The following PABIR3 variants were observed in gnomAD, a reference collection of about 807,000 sequenced individuals.
The protein encoded by PABIR3 is PABIR family member 3.
PABIR3 carries 20 observed loss-of-function variants against 23.1 expected under a neutral mutation model. The ratio of observed to expected loss-of-function variants is 0.86; its 90% CI spans 0.61 to 1.26. The LOEUF is 1.26. Ranked by LOEUF, PABIR3 falls within the 50% of genes most tolerant of loss-of-function variation. PABIR3 has a pLI of 0.00. For missense variants in PABIR3, 189 were observed against 195.4 expected (o/e 0.97, Z 0.20); for synonymous variants, 69 against 68.5 (o/e 1.01, Z -0.04).
upstream of PABIR3, among the ~76,000 whole-genome samples, chrX:134,803,435 G>A (rs773003234): frequency 2.7e-5 from 3 of 112,623 alleles, no homozygotes; most frequent in Non-Finnish European, 5.6e-5. Flanking sequence ...GCATTGAAAT[G>A]TAATAGTTCT....
At chrX:134,851,595 G>A (rs1024174058) in intron 9 of PABIR3, among the ~76,000 whole-genome samples, 1 of 110,999 alleles carries the variant, frequency 9.0e-6, no homozygotes, top group Non-Finnish European at 1.9e-5. Flanking sequence ...GAATACTGCA[G>A]AAATTGGGCA....
chrX:134,838,445 C>G (rs1473110385), intron 4 of PABIR3, among the ~76,000 whole-genome samples: 1 of 107,923 alleles, frequency 9.3e-6, no homozygotes, highest in Non-Finnish European at 1.9e-5. Context: ...TCCCGTGTAG[C>G]TGGGACTACA....
chrX:134,804,404 C>T (rs769400887), upstream of PABIR3, among the ~76,000 whole-genome samples: 5 of 111,914 alleles, frequency 4.5e-5, no homozygotes, highest in East Asian at 1.4e-3. Flanking sequence ...CTATTTATAT[C>T]TTTACAGGTT....
At chrX:134,858,819 TG>T (rs1481788311), downstream of PABIR3, among the ~76,000 whole-genome samples, 4 of 111,600 alleles carry the variant, frequency 3.6e-5, no homozygotes, top group Non-Finnish European at 7.5e-5. Context: ...AACGTATAGG[TG>T]GAGAGAATCA....
chrX:134,799,202 G>C (rs1191264424), intron 1 of PABIR3, among the ~76,000 whole-genome samples: 1 of 111,316 alleles, frequency 9.0e-6, no homozygotes, highest in Non-Finnish European at 1.9e-5. Context: ...TAATTTTTTT[G>C]ATTTTCAAGA....
chrX:134,800,236 G>GGTTGCA (rs1160707544), intron 1 of PABIR3, among the ~76,000 whole-genome samples: 2 of 108,561 alleles, frequency 1.8e-5, no homozygotes, highest in African/African-American at 6.8e-5. Flanking sequence ...GGGAGGTGGA[G>GGTTGCA]GTTGCAGTGA....
chrX:134,819,185 T>C lies in PABIR3; in HGVS notation c.189+4336T>C, dbSNP rs754508059. Among the ~76,000 whole-genome samples the C allele has an allele frequency of 6.6e-4, 73 of 110,543 alleles. 1 individual carries two copies. Among genetic ancestry groups the C allele is most frequent in the African/African-American group, 2.3e-3 (71 of 30,388 alleles). The stretch of plus-strand genomic sequence containing the variant: ...CTCCTGACCTCGTGATCCGCCTGCC[T>C]CGGCCTCCCAAAGTACTGGGATTAC... On this transcript the variant is annotated intron_variant, in intron 3 of 10. Transcript: ENST00000645433.
At chrX:134,814,597 G>A (rs1257223752) in intron 2 of PABIR3, among the ~76,000 whole-genome samples, 174 bp from the exon 3 acceptor site, 1 of 109,914 alleles carries the variant, frequency 9.1e-6, no homozygotes, top group Non-Finnish European at 1.9e-5. Context: ...ACTAGGGGAG[G>A]CTGAGGTAGG....
intron 2 of PABIR3, among the ~76,000 whole-genome samples, chrX:134,813,230 A>G (rs1045898290): frequency 3.6e-5 from 4 of 112,289 alleles, no homozygotes; most frequent in African/African-American, 9.7e-5. Context: ...TTTGAATGTC[A>G]TAGTAAAGAA....
chrX:134,809,935 A>G, intron 2 of PABIR3: 5 of 754,424 alleles, frequency 6.6e-6, no homozygotes, highest in Non-Finnish European at 7.8e-6. Context: ...TTTTTAAAAT[A>G]GGCAGGTAGA....
At chrX:134,825,594 C>T (rs189647939) in intron 3 of PABIR3, among the ~76,000 whole-genome samples, 246 of 111,572 alleles carry the variant, frequency 2.2e-3, no homozygotes, top group Non-Finnish European at 3.6e-3. Context: ...CTTAAGATAT[C>T]AACCCTGGAA....
At chrX:134,832,206 C>T (rs1441827694) in intron 4 of PABIR3, among the ~76,000 whole-genome samples, 4 of 108,062 alleles carry the variant, frequency 3.7e-5, no homozygotes, top group East Asian at 3.0e-4. Context: ...ACCTGGGAGG[C>T]GGAGGTTGCA....
At chrX:134,851,900 A>G (rs191325165) in intron 9 of PABIR3, among the ~76,000 whole-genome samples, 1 of 111,917 alleles carries the variant, frequency 8.9e-6, no homozygotes, top group East Asian at 2.8e-4. Flanking sequence ...AGTTTTGCTC[A>G]GGTCCAGAAA....
chrX:134,830,777 C>A (rs1381726451), intron 4 of PABIR3, among the ~76,000 whole-genome samples: 1 of 111,421 alleles, frequency 9.0e-6, no homozygotes, highest in African/African-American at 3.3e-5. Context: ...TTTGCTTCTC[C>A]TAAATTAAAC....
chrX:134,807,105 G>T, upstream of PABIR3: 3 of 745,517 alleles, frequency 4.0e-6, no homozygotes, highest in Non-Finnish European at 4.8e-6. Flanking sequence ...TGCGCCCCTG[G>T]CAAAGCTGAC....
At chrX:134,798,878 A>G (rs1021838163) in intron 1 of PABIR3, among the ~76,000 whole-genome samples, 1 of 112,335 alleles carries the variant, frequency 8.9e-6, no homozygotes, top group African/African-American at 3.2e-5. Flanking sequence ...TGAATTCTAG[A>G]AGATAAAAGT....
chrX:134,853,090 G>T (rs1487792516), intron 10 of PABIR3, among the ~76,000 whole-genome samples, 194 bp downstream of exon 10: 1 of 110,775 alleles, frequency 9.0e-6, no homozygotes, highest in African/African-American at 3.3e-5. Context: ...CTGAGGCAGG[G>T]TCTCACTCTG....
chrX:134,819,920 A>G (rs1453397437), intron 3 of PABIR3, among the ~76,000 whole-genome samples: 1 of 111,209 alleles, frequency 9.0e-6, no homozygotes, highest in Admixed American at 9.7e-5. Context: ...CAAACAAAAA[A>G]CAGAGAGACT....
chrX:134,844,438 A>C (rs902296883), intron 4 of PABIR3, among the ~76,000 whole-genome samples: 2 of 110,644 alleles, frequency 1.8e-5, no homozygotes, highest in Admixed American at 9.8e-5. Flanking sequence ...TGGAATTGTC[A>C]TCTAAACATT....
Sources: allele counts gnomAD v4.1 joint callset (sites outside exome capture counted in the v4.1 genomes callset), GRCh38; gene constraint gnomAD v4.1.1; transcripts MANE v1.5; gene names NCBI Gene and HGNC (gene_info 2026-07-23, HGNC 2026-07-21).